MACF1: variants seen among roughly 807,000 people sequenced by gnomAD.
MACF1 encodes microtubule actin crosslinking factor 1, also known as microtubule-actin cross-linking factor 1.
MACF1 carries 193 observed loss-of-function variants against 854.8 expected under a neutral mutation model. The ratio of observed to expected loss-of-function variants is 0.23; its 90% CI spans 0.20 to 0.25. The LOEUF (loss-of-function observed/expected upper bound fraction) is 0.25. Ranked by LOEUF, MACF1 falls within the 10% of genes least tolerant of loss-of-function variation. The probability of loss-of-function intolerance (pLI) is 1.00; values close to 1 mark genes in which losing one functional copy is unlikely to be tolerated. For synonymous variants in MACF1, 3,185 were observed against 3,226.7 expected (o/e 0.99, Z 0.44); for missense variants, 7,722 against 8,929.1 (o/e 0.86, Z 5.45).
chr1:39,380,456 C>T, intron 55 of MACF1, 83 bp downstream of exon 55: 2 of 1,365,114 alleles, frequency 1.5e-6, no homozygotes, highest in South Asian at 1.3e-5. Flanking sequence ...TCCTATAAAA[C>T]AGGAATTATT....
chr1:39,419,076 T>C (rs2148630585), intron 58 of MACF1, among the ~76,000 whole-genome samples: 1 of 152,328 alleles, frequency 6.6e-6, no homozygotes, highest in East Asian at 1.9e-4. Context: ...GGAATTTTAG[T>C]GTATCTAAAA....
intron 1 of MACF1, among the ~76,000 whole-genome samples, chr1:39,217,922 G>T (rs560860683): frequency 6.6e-6 from 1 of 150,750 alleles, no homozygotes; most frequent in Non-Finnish European, 1.5e-5. Flanking sequence ...AGTGGCTCAT[G>T]CCTGTAATCC....
chr1:39,416,849 T>C (rs1643332883), intron 58 of MACF1, among the ~76,000 whole-genome samples: 1 of 152,224 alleles, frequency 6.6e-6, no homozygotes, highest in Admixed American at 6.5e-5. Context: ...CAGGAAAGGA[T>C]AGATCTGAGC....
rs183337870 is a variant in MACF1 at position 39,438,693 on chromosome 1, G to A, written c.18221-581G>A. 8.0e-3 allele frequency among the ~76,000 whole-genome samples: 1,213 copies of A among 151,548 alleles called. 6 individuals carry two copies. Among genetic ancestry groups the A allele is most frequent in the Non-Finnish European group, 0.012 (846 of 67,800 alleles). On this transcript the variant is annotated intron_variant, in intron 71 of 100. Transcript: ENST00000564288. ...CTCAGGAGGCTGAGGCAGGAGAATC[G>A]CTTGAACCTGGGAGGCAGAGGTTGC... is the stretch of plus-strand genomic sequence containing the variant.
intron 2 of MACF1, among the ~76,000 whole-genome samples, chr1:39,128,283 ACCATCATAGCACAGTGCAG>A (rs1227643494): frequency 6.6e-6 from 1 of 151,964 alleles, no homozygotes; most frequent in Non-Finnish European, 1.5e-5. Context: ...GTTCACAGGC[ACCATCATAGCACAGTGCAG>A]CCTCAAACTC....
At chr1:39,383,137 A>G (rs1409728042) in intron 56 of MACF1, among the ~76,000 whole-genome samples, 1 of 152,134 alleles carries the variant, frequency 6.6e-6, no homozygotes, top group Admixed American at 6.5e-5. Flanking sequence ...AAAGAAATTT[A>G]GGTTGGTCAA....
At position 39,233,808 on chromosome 1, in the gene MACF1, T is replaced by TTTTTTTTTTGTTTTTTTTTTTTTA. The variant is rs755591226; in HGVS notation, c.171+2565_171+2566insTTTTTTTTTGTTTTTTTTTTTTTA. On this transcript the variant is annotated intron_variant, in intron 2 of 100. Coordinates refer to ENST00000564288, the MANE Select transcript of MACF1 (RefSeq NM_001394062.1). ...TTTTTTTTTTTTTTTATTTATTTTT[T>TTTTTTTTTTGTTTTTTTTTTTTTA]ATTGATAATTCTTGGGTGTTTCTCA... Among the ~76,000 whole-genome samples, 2 of 65,772 alleles carry TTTTTTTTTTGTTTTTTTTTTTTTA rather than the reference T, an allele frequency of 3.0e-5. 1 individual carries two copies. The highest frequency in any genetic ancestry group is 6.6e-5 in the Non-Finnish European group (2 of 30,152). The allele number at this position is 65,772 out of a possible 152,430, so 43.1% of individuals were successfully genotyped here. A position where few individuals can be genotyped will look rare whatever the true frequency, so the allele number is the denominator to read the frequency against.
chr1:39,381,284 C>T (rs898375174), intron 55 of MACF1, among the ~76,000 whole-genome samples: 2 of 150,478 alleles, frequency 1.3e-5, no homozygotes, highest in African/African-American at 4.9e-5. Context: ...CTCGAACTCC[C>T]GACCTCAAGT....
At chr1:39,312,954 A>G (rs1235362264) in intron 26 of MACF1, among the ~76,000 whole-genome samples, 1 of 152,196 alleles carries the variant, frequency 6.6e-6, no homozygotes, top group Non-Finnish European at 1.5e-5. Flanking sequence ...AGCTACCCCA[A>G]GAAGGAAGGT....
In MACF1 at chr1:39,409,765, ACT is replaced by A. The variant is rs1398144533; in HGVS notation, c.15817-12605_15817-12604del. 6.5e-6 allele frequency: 1 copy of A among 152,862 alleles called. No individual in the cohort carries two copies. Among genetic ancestry groups the A allele is most frequent in the East Asian group, 1.9e-4 (1 of 5,214 alleles). 9.5% of individuals were successfully genotyped at this position (152,862 alleles called of 1,614,324 possible). A position where few individuals can be genotyped will look rare whatever the true frequency, so the allele number is the denominator to read the frequency against. ...CGAATGGCTAATTCAGACCAGCTGG[ACT>A]CTCCAGGGCTGGAACTGAGGATAAA... is the stretch of plus-strand genomic sequence containing the variant. On this transcript the variant is annotated intron_variant, in intron 58 of 100. Coordinates refer to ENST00000564288, the MANE Select transcript of MACF1 (RefSeq NM_001394062.1). The surrounding 1 kb of genome is among the most constrained non-coding windows in gnomAD (Gnocchi z 4.2).
At chr1:39,094,406 AAAAAAAAAAAG>A (rs904470814) in intron 2 of MACF1, among the ~76,000 whole-genome samples, 22 of 150,852 alleles carry the variant, frequency 1.5e-4, no homozygotes, top group African/African-American at 5.1e-4. Flanking sequence ...TTGTCTCCAA[AAAAAAAAAAAG>A]AAAAGAAAAA....
intron 66 of MACF1, 83 bp downstream of exon 66, chr1:39,430,991 A>G: frequency 8.2e-7 from 1 of 1,223,606 alleles, no homozygotes. Context: ...ATAAATACAG[A>G]CTCAGAAATA....
chr1:39,360,630 A>G (rs1219091110), intron 47 of MACF1, among the ~76,000 whole-genome samples, 163 bp from the exon 48 acceptor site: 1 of 151,116 alleles, frequency 6.6e-6, no homozygotes, highest in Non-Finnish European at 1.5e-5. Flanking sequence ...TAAGGCCAGG[A>G]GTTCAAGACC....
intron 58 of MACF1, among the ~76,000 whole-genome samples, chr1:39,416,671 A>G (rs973146190): frequency 2.6e-5 from 4 of 152,236 alleles, no homozygotes; most frequent in Non-Finnish European, 4.4e-5. Flanking sequence ...AGATGGCTAC[A>G]TAATCTCTAA....
intron 2 of MACF1, among the ~76,000 whole-genome samples, chr1:39,178,718 G>A (rs1351296824): frequency 6.6e-6 from 1 of 152,166 alleles, no homozygotes; most frequent in African/African-American, 2.4e-5. Context: ...ACCCTCAGGA[G>A]TGAAATTCTG....
At chr1:39,316,173 C>T (rs1428632209) in intron 27 of MACF1, among the ~76,000 whole-genome samples, 1 of 152,202 alleles carries the variant, frequency 6.6e-6, no homozygotes, top group East Asian at 1.9e-4. Flanking sequence ...CACATGTATG[C>T]ATGTTCCAAT....
At chr1:39,348,440 T>C (rs1219823911) in intron 41 of MACF1, among the ~76,000 whole-genome samples, 1 of 152,248 alleles carries the variant, frequency 6.6e-6, no homozygotes, top group African/African-American at 2.4e-5. Flanking sequence ...TTGTCAGAAA[T>C]GCTCTGCTTC....
chr1:39,249,905 C>T, intron 2 of MACF1, 109 bp from the exon 3 acceptor site: 5 of 564,122 alleles, frequency 8.9e-6, no homozygotes, highest in Non-Finnish European at 1.3e-5. Context: ...TTGTTGCTTC[C>T]ACTTTTAAAT....
chr1:39,434,939 A>G (rs1643939947), intron 69 of MACF1, among the ~76,000 whole-genome samples: 1 of 152,210 alleles, frequency 6.6e-6, no homozygotes, highest in Non-Finnish European at 1.5e-5. Context: ...CACTCAAGGT[A>G]TGGTTGGACA....
Sources: allele counts gnomAD v4.1 joint callset (sites outside exome capture counted in the v4.1 genomes callset), GRCh38; gene constraint gnomAD v4.1.1; non-coding constraint Gnocchi (gnomAD v3.1); transcripts MANE v1.5; gene names NCBI Gene and HGNC (gene_info 2026-07-23, HGNC 2026-07-21).